The following COL20A1 variants were observed in gnomAD, a reference collection of about 807,000 sequenced individuals.
COL20A1 encodes collagen alpha-1(XX) chain.
In COL20A1, 164 loss-of-function variants were observed where a neutral mutation model predicts 152.9. The observed-to-expected ratio is 1.07, with a 90% CI of 0.94 to 1.22. The LOEUF (loss-of-function observed/expected upper bound fraction) is 1.22, where lower values mean the gene tolerates loss of function less well. Among genes scored for constraint, COL20A1 ranks in the 50% most tolerant of loss-of-function variants. COL20A1 has a pLI of 0.00. For missense variants in COL20A1, 1,873 were observed against 1,744.8 expected (o/e 1.07, Z -1.31); for synonymous variants, 864 against 756.0 (o/e 1.14, Z -2.34).
chr20:63,321,738 C>T (rs1266514978), intron 26 of COL20A1, among the ~76,000 whole-genome samples: 3 of 152,188 alleles, frequency 2.0e-5, no homozygotes, highest in African/African-American at 4.8e-5. Flanking sequence ...GTTCCAGCGC[C>T]CCACAGGTGA....
chr20:63,325,647 G>A lies in COL20A1; in HGVS notation c.3349-21G>A, dbSNP rs959216810. On this transcript the variant is annotated intron_variant, in intron 28 of 35. Coordinates refer to ENST00000358894, the MANE Select transcript of COL20A1 (RefSeq NM_020882.4). ...ATGTGACCCTGGCCCCTGCCTGGCC[G>A]GCCCCTCTGTTCTCTCCCAGGGCCA... is the stretch of plus-strand genomic sequence containing the variant. 9.4e-6 allele frequency: 15 copies of A among 1,600,020 alleles called. No individual in the cohort carries two copies. In the Admixed American group the frequency reaches 1.0e-4, roughly 11 times the overall value.
chr20:63,297,399 TCAGCCCAGGGGCCC>T (rs1482733545), intron 2 of COL20A1, among the ~76,000 whole-genome samples: 2 of 135,992 alleles, frequency 1.5e-5, no homozygotes, highest in African/African-American at 2.7e-5. Context: ...CCCAGGGGAC[TCAGCCCAGGGGCCC>T]CAGCCCAGGG....
At chr20:63,296,242 G>A (rs375256588) in intron 2 of COL20A1, among the ~76,000 whole-genome samples, 1 of 152,294 alleles carries the variant, frequency 6.6e-6, no homozygotes, top group Non-Finnish European at 1.5e-5. Flanking sequence ...CTGCCCTGGG[G>A]CCAGTGGGGG....
In COL20A1 at chr20:63,319,273, C is replaced by G; in HGVS notation, c.2806+73C>G. On this transcript the variant is annotated intron_variant, in intron 22 of 35. Transcript: ENST00000358894. This position sits in a 1 kb window ranked among gnomAD's most constrained non-coding sequence, Gnocchi z 4.4. ...AGGGAGGCCCCAGAGCCCTGGGAGGCCTTCAGAGGAAGTCCAGCCTCCAGG... is the reference window on the plus strand; with the variant it reads ...AGGGAGGCCCCAGAGCCCTGGGAGGGCTTCAGAGGAAGTCCAGCCTCCAGG... 6.7e-6 allele frequency: 10 copies of G among 1,487,958 alleles called. No individual in the cohort carries two copies. The highest frequency in any genetic ancestry group is 9.1e-6 in the Non-Finnish European group (10 of 1,097,764). 92.2% of individuals were successfully genotyped at this position (1,487,958 alleles called of 1,614,324 possible).
rs2068053214 is a variant in COL20A1 at position 63,314,069 on chromosome 20, T to C, written c.2359-3T>C. 9 of 1,612,680 alleles carry C rather than the reference T, an allele frequency of 5.6e-6. No individual in the cohort carries two copies. The East Asian group carries it at 2.0e-4, about 36-fold the overall frequency. Reference sequence around the variant, plus strand: ...GGGGACCAGGCACCCTCCCTTCTCCTAGGTCTCTGTGCCAGGAGCCAGGAG... The same window carrying C: ...GGGGACCAGGCACCCTCCCTTCTCCCAGGTCTCTGTGCCAGGAGCCAGGAG... On this transcript the variant is annotated splice_polypyrimidine_tract_variant and splice_region_variant and intron_variant, in intron 18 of 35. Coordinates refer to ENST00000358894, the MANE Select transcript of COL20A1 (RefSeq NM_020882.4).
Position 63,313,107 on chromosome 20 carries a change from C to G in COL20A1, c.2077-10C>G, listed in dbSNP as rs774973384. 3 of 1,603,652 alleles carry G rather than the reference C, an allele frequency of 1.9e-6. No individual in the cohort carries two copies. Among genetic ancestry groups the G allele is most frequent in the Non-Finnish European group, 2.6e-6 (3 of 1,175,870 alleles). The stretch of plus-strand genomic sequence containing the variant: ...GCACCCGGTGACCCCTGGGGCTCTC[C>G]TCTCCCTAGATCTCTGTCCCAGGGA... On this transcript the variant is annotated splice_polypyrimidine_tract_variant and intron_variant, in intron 16 of 35. Coordinates refer to ENST00000358894, the MANE Select transcript of COL20A1 (RefSeq NM_020882.4). This position sits in a 1 kb window ranked among gnomAD's most constrained non-coding sequence, Gnocchi z 5.9.
intron 27 of COL20A1, among the ~76,000 whole-genome samples, chr20:63,322,377 G>A (rs532738117): frequency 6.6e-6 from 1 of 152,308 alleles, no homozygotes; most frequent in Non-Finnish European, 1.5e-5. Flanking sequence ...TAGGGAGGAT[G>A]AACCCCATGG....
At chr20:63,325,580 CAG>C in intron 28 of COL20A1, 86 bp downstream of exon 28, 1 of 1,545,004 alleles carries the variant, frequency 6.5e-7, no homozygotes, top group East Asian at 2.3e-5. Flanking sequence ...CTGGGGGGCA[CAG>C]GGGTTGGGGG....
intron 1 of COL20A1, 87 bp from the exon 2 acceptor site, chr20:63,295,011 C>T (rs997524234): frequency 1.5e-5 from 13 of 846,972 alleles, no homozygotes; most frequent in East Asian, 8.1e-5. Flanking sequence ...GCCTGGCCCT[C>T]GAGGATTTGG....
chr20:63,308,113 C>G (rs2067953790), intron 7 of COL20A1, 23 bp downstream of exon 7: 3 of 1,610,810 alleles, frequency 1.9e-6, no homozygotes, highest in Non-Finnish European at 2.5e-6. Context: ...CCTGCCCCTC[C>G]CTCTGTCCTG....
chr20:63,322,243 A>G, intron 27 of COL20A1, 132 bp downstream of exon 27: 4 of 696,622 alleles, frequency 5.7e-6, no homozygotes, highest in Non-Finnish European at 9.0e-6. Context: ...GGTCTCCCCA[A>G]GCTGCAGACA....
Position 63,297,830 on chromosome 20 carries a change from C to T in COL20A1, c.83-80C>T, listed in dbSNP as rs969933596. On this transcript the variant is annotated intron_variant, in intron 2 of 35. Transcript: ENST00000358894. ...CTGTGTTCCTCCCAAATGCTGAGGG[C>T]AGGATGCCTGTACCCCCACAGCTGA... 23 of 1,075,168 alleles carry T rather than the reference C, an allele frequency of 2.1e-5. No individual in the cohort carries two copies. The Admixed American group carries it at 3.7e-4, about 17-fold the overall frequency. The allele number at this position is 1,075,168 out of a possible 1,614,324, so 66.6% of individuals were successfully genotyped here. A position where few individuals can be genotyped will look rare whatever the true frequency, so the allele number is the denominator to read the frequency against.
intron 3 of COL20A1, among the ~76,000 whole-genome samples, chr20:63,302,183 T>C (rs117939371): frequency 0.019 from 2,872 of 152,324 alleles, 43 homozygotes; most frequent in Non-Finnish European, 0.029. Context: ...TAATCCTGTC[T>C]ATAAATATTT....
In COL20A1 at chr20:63,320,068, C is replaced by T; in HGVS notation, c.2946C>T (p.Val982=). Residue 982 remains valine, a synonymous_variant, in exon 24 of 36, where the codon GTC becomes GTT. Transcript: ENST00000358894. Reference sequence around the variant, plus strand: ...ACGTGGCTGTGGGCCGCTCCAAGGTCAGGCTCTATGTGGACTGCCGGAAGG... The same window carrying T: ...ACGTGGCTGTGGGCCGCTCCAAGGTTAGGCTCTATGTGGACTGCCGGAAGG... ...KVHVAVGRSK[V]RLYVDCRKVA... is the part of the protein sequence containing the mutation. 6.4e-7 allele frequency: 1 copy of T among 1,555,804 alleles called. No individual in the cohort carries two copies. Among genetic ancestry groups the T allele is most frequent in the South Asian group, 1.2e-5 (1 of 84,474 alleles).
In COL20A1 at chr20:63,303,645, C is replaced by A. The variant is rs145587140; in HGVS notation, c.194-1772C>A. 3.9e-3 allele frequency among the ~76,000 whole-genome samples: 600 copies of A among 152,334 alleles called. 2 individuals carry two copies. Among genetic ancestry groups the A allele is most frequent in the Admixed American group, 7.1e-3 (109 of 15,310 alleles). ...TTAGCTGTTGATGGTAATGACAACA[C>A]CCCTGCCTCCCATTTGCTCAGCCAA... On this transcript the variant is annotated intron_variant, in intron 3 of 35. Transcript: ENST00000358894.
intron 11 of COL20A1, among the ~76,000 whole-genome samples, chr20:63,310,711 A>G (rs1278640984): frequency 6.6e-6 from 1 of 152,066 alleles, no homozygotes; most frequent in Non-Finnish European, 1.5e-5. Context: ...TCTGAACACC[A>G]GCTATACCGT....
Position 63,312,060 on chromosome 20 carries a change from G to C in COL20A1, c.1803+5G>C. The C allele has an allele frequency of 6.4e-7, 1 of 1,555,816 alleles. No individual in the cohort carries two copies. Among genetic ancestry groups the C allele is most frequent in the South Asian group, 1.2e-5 (1 of 84,320 alleles). On this transcript the variant is annotated splice_donor_5th_base_variant and intron_variant, in intron 14 of 35. Coordinates refer to ENST00000358894, the MANE Select transcript of COL20A1 (RefSeq NM_020882.4). ...GAGGGTGGACACTCGGGGCAGGTGA[G>C]AGCAGAGCCCTCCGGGGGCCCGAGT... is the stretch of plus-strand genomic sequence containing the variant.
chr20:63,315,496 G>T, intron 20 of COL20A1, 57 bp downstream of exon 20: 1 of 1,457,580 alleles, frequency 6.9e-7, no homozygotes, highest in Non-Finnish European at 9.2e-7. Context: ...GGCTCTTCCT[G>T]GGCGTGGGGG....
At chr20:63,299,951 C>T (rs866759162) in intron 3 of COL20A1, among the ~76,000 whole-genome samples, 48 of 151,756 alleles carry the variant, frequency 3.2e-4, no homozygotes, top group African/African-American at 1.1e-3. Flanking sequence ...CTCTGTCACC[C>T]GGGCTGGAGT....
Sources: gnomAD v4.1 joint callset for allele counts (sites outside exome capture counted in the v4.1 genomes callset) on GRCh38, gnomAD v4.1.1 for gene constraint, Gnocchi (gnomAD v3.1) non-coding constraint, MANE v1.5 for transcripts, NCBI Gene and HGNC (gene_info 2026-07-23, HGNC 2026-07-21) for gene names.